Variants in CCDC102B observed in about 807,000 individuals in gnomAD.
CCDC102B encodes coiled-coil domain-containing protein 102B.
A neutral mutation model predicts 57.4 loss-of-function variants in CCDC102B; 75 were observed. The observed-to-expected ratio is 1.31, with a 90% CI of 1.08 to 1.58. The LOEUF is 1.58. Ranked by LOEUF, CCDC102B falls within the 40% of genes most tolerant of loss-of-function variation. CCDC102B has a pLI of 0.00. For missense variants in CCDC102B, 636 were observed against 582.6 expected (o/e 1.09, Z -0.94); for synonymous variants, 206 against 201.9 (o/e 1.02, Z -0.17).
chr18:68,850,802 T>C (rs1352871094), intron 4 of CCDC102B, among the ~76,000 whole-genome samples: 2 of 152,102 alleles, frequency 1.3e-5, no homozygotes, highest in African/African-American at 4.8e-5. Flanking sequence ...GCTGGGTCCA[T>C]GCTGTTTTCC....
intron 2 of CCDC102B, among the ~76,000 whole-genome samples, chr18:68,775,390 A>G (rs2034776866): frequency 6.6e-6 from 1 of 152,078 alleles, no homozygotes; most frequent in Admixed American, 6.6e-5. Flanking sequence ...TTTGATTTAG[A>G]TAAGATCTAT....
At chr18:69,030,681 G>A (rs1320127530) in intron 7 of CCDC102B, among the ~76,000 whole-genome samples, 1 of 151,884 alleles carries the variant, frequency 6.6e-6, no homozygotes, top group Non-Finnish European at 1.5e-5. Context: ...TTTGTTTTTG[G>A]AGACACTCTG....
intron 1 of CCDC102B, among the ~76,000 whole-genome samples, chr18:68,803,371 A>G (rs942586076): frequency 6.6e-5 from 10 of 152,188 alleles, no homozygotes; most frequent in African/African-American, 2.2e-4. Flanking sequence ...TAGTATATAA[A>G]TATATATTAA....
chr18:68,789,991 T>C (rs1437524384), intron 2 of CCDC102B, among the ~76,000 whole-genome samples: 2 of 150,390 alleles, frequency 1.3e-5, no homozygotes, highest in Non-Finnish European at 3.0e-5. Context: ...ATGATGGTGA[T>C]GTACAGATGG....
intron 5 of CCDC102B, among the ~76,000 whole-genome samples, chr18:68,887,058 T>C (rs916332269): frequency 9.2e-5 from 14 of 152,160 alleles, no homozygotes; most frequent in African/African-American, 3.1e-4. Flanking sequence ...CTTTTTATAG[T>C]TAAACATCTT....
intron 2 of CCDC102B, among the ~76,000 whole-genome samples, chr18:68,723,440 G>A (rs1215129913): frequency 2.0e-5 from 3 of 152,126 alleles, no homozygotes; most frequent in African/African-American, 4.8e-5. Context: ...TCTGAGACAA[G>A]GTAAGTCCCT....
intron 6 of CCDC102B, among the ~76,000 whole-genome samples, chr18:68,913,660 A>AAG (rs2040961052): frequency 8.3e-4 from 1 of 1,202 alleles, no homozygotes; most frequent in Non-Finnish European, 2.2e-3. Flanking sequence ...GTCTCAAAAG[A>AAG]AAAAAAAAAA....
At chr18:69,022,366 C>T (rs78168344) in intron 7 of CCDC102B, among the ~76,000 whole-genome samples, 11 of 65,620 alleles carry the variant, frequency 1.7e-4, no homozygotes, top group African/African-American at 3.9e-4. Context: ...TATATATATA[C>T]ACACACACAA....
chr18:69,026,822 A>G (rs541757798), intron 7 of CCDC102B, among the ~76,000 whole-genome samples: 3 of 152,268 alleles, frequency 2.0e-5, no homozygotes, highest in Non-Finnish European at 2.9e-5. Context: ...AAATATATCT[A>G]TAGTCCCAAT....
chr18:69,050,010 A>G (rs923180784), intron 7 of CCDC102B, among the ~76,000 whole-genome samples: 1 of 152,016 alleles, frequency 6.6e-6, no homozygotes, highest in African/African-American at 2.4e-5. Context: ...AGGTTTCACT[A>G]TGTTGACTAG....
Position 69,054,702 on chromosome 18 carries a change from G to GT in CCDC102B, c.*569dup. The stretch of plus-strand genomic sequence containing the variant: ...GTGAGCAGATGAATCAGAAAAAAGT[G>GT]TTTTGTATTTTAAAGTAACAGATAA... On this transcript the variant is annotated 3_prime_UTR_variant, in exon 8 of 8. Transcript: ENST00000360242. 1 of 984,414 alleles carries GT rather than the reference G, an allele frequency of 1.0e-6. No homozygotes were observed. The allele number at this position is 984,414 out of a possible 1,614,324, so 61.0% of individuals were successfully genotyped here.
intron 5 of CCDC102B, among the ~76,000 whole-genome samples, chr18:68,896,204 G>A (rs2040236124): frequency 2.0e-5 from 3 of 152,052 alleles, no homozygotes; most frequent in South Asian, 2.1e-4. Flanking sequence ...AAAAATTATA[G>A]CAGACGAATA....
At chr18:68,864,270 T>C (rs1014614733) in intron 4 of CCDC102B, among the ~76,000 whole-genome samples, 3 of 152,008 alleles carry the variant, frequency 2.0e-5, no homozygotes, top group African/African-American at 4.8e-5. Flanking sequence ...TGAAACAATT[T>C]TTCTTTTCCT....
At position 68,724,447 on chromosome 18, in the gene CCDC102B, C is replaced by G. The variant is rs187966953; in HGVS notation, c.-67+7853C>G. Among the ~76,000 whole-genome samples, 24 of 152,292 alleles carry G rather than the reference C, an allele frequency of 1.6e-4. No homozygotes were observed. The East Asian group carries it at 4.4e-3, about 28-fold the overall frequency. On this transcript the variant is annotated intron_variant, in intron 2 of 3. Coordinates refer to the CCDC102B transcript ENST00000578970. ...TCCAAAATTTTATGCTCTGCTTCCT[C>G]TTGATTGCTTTGCTCCTTAGAAATT...
intron 5 of CCDC102B, among the ~76,000 whole-genome samples, chr18:68,892,923 T>A (rs1388342708): frequency 6.6e-6 from 1 of 152,204 alleles, no homozygotes; most frequent in Non-Finnish European, 1.5e-5. Context: ...GGAGTGTAGT[T>A]GAACCCAGCT....
chr18:69,029,500 AT>A (rs60185803), intron 7 of CCDC102B, among the ~76,000 whole-genome samples: 125,133 of 152,028 alleles, frequency 0.82, 53,738 homozygotes, highest in Non-Finnish European at 0.96. Context: ...ACATGTGAGA[AT>A]TTTTTTTACA....
chr18:68,890,525 T>G (rs928577125), intron 5 of CCDC102B, among the ~76,000 whole-genome samples: 8 of 152,204 alleles, frequency 5.3e-5, no homozygotes, highest in African/African-American at 1.9e-4. Context: ...ACACCCTGCC[T>G]TGAGTGATAA....
chr18:68,911,437 G>T (rs1386432646), intron 6 of CCDC102B, among the ~76,000 whole-genome samples: 1 of 152,100 alleles, frequency 6.6e-6, no homozygotes, highest in Non-Finnish European at 1.5e-5. Flanking sequence ...TCTACAGGAG[G>T]GTGGTGGGTG....
rs774179756 is a variant in CCDC102B, at chr18:68,723,502, A to G, written c.-67+6908A>G. On this transcript the variant is annotated intron_variant, in intron 2 of 3. Coordinates refer to the CCDC102B transcript ENST00000578970. ...AGCAAGGCAGTTACTTCCTACATACAATGAGGGCGCAAGGATTGGATAAAT... is the reference window on the plus strand; with the variant it reads ...AGCAAGGCAGTTACTTCCTACATACGATGAGGGCGCAAGGATTGGATAAAT... Among the ~76,000 whole-genome samples the G allele has an allele frequency of 4.7e-4, 72 of 152,300 alleles. 1 individual carries two copies. The highest frequency in any genetic ancestry group is 1.6e-3 in the African/African-American group (68 of 41,556).
Sources: allele counts gnomAD v4.1 joint callset (sites outside exome capture counted in the v4.1 genomes callset), GRCh38; gene constraint gnomAD v4.1.1; transcripts MANE v1.5; gene names NCBI Gene and HGNC (gene_info 2026-07-23, HGNC 2026-07-21).